KRT6B: variants seen among roughly 807,000 people sequenced by gnomAD.
KRT6B encodes keratin, type II cytoskeletal 6B.
KRT6B carries 29 observed loss-of-function variants against 44.7 expected under a neutral mutation model. The observed-to-expected ratio is 0.65, with a 90% CI of 0.48 to 0.88. The LOEUF (loss-of-function observed/expected upper bound fraction) is 0.88, where lower values mean the gene tolerates loss of function less well. KRT6B is among the 40% of genes least tolerant of loss of function. The pLI, the probability that KRT6B is intolerant of heterozygous loss-of-function variation, is 0.00. For synonymous variants in KRT6B, 213 were observed against 296.0 expected (o/e 0.72, Z 2.88); for missense variants, 600 against 724.0 (o/e 0.83, Z 1.97).
Position 52,451,903 on chromosome 12 carries a change from C to T in KRT6B, c.176G>A (p.Arg59His), listed in dbSNP as rs771831330. 9.3e-6 allele frequency: 15 copies of T among 1,612,522 alleles called. No homozygotes were observed. Among genetic ancestry groups the T allele is most frequent in the South Asian group, 2.2e-5 (2 of 91,010 alleles). Reference protein sequence around the residue: ...GACGGAGFGSRSLYGLGGSKR... With the variant: ...GACGGAGFGSHSLYGLGGSKR... ...GGAGCCCCCCAGGCCATACAGACTG[C>T]GGCTGCCAAAGCCAGCTCCTCCACA... The change falls in exon 1 of 9, where the codon CGC (arginine) becomes CAC (histidine). Residue 59 changes from arginine to histidine, a missense_variant. Physicochemically the swap from Arg to His is conservative, Grantham distance 29. Around this residue, in one of 4 missense-constraint regions of KRT6B, gnomAD observed 78 missense variants for 97.5 expected, o/e 0.80. Transcript: ENST00000252252.
Position 52,452,049 on chromosome 12 carries a change from G to C in KRT6B, c.30C>G (p.Ser10Arg), listed in dbSNP as rs561690979. The C allele has an allele frequency of 1.5e-5, 25 of 1,614,154 alleles. No homozygotes were observed. In the Admixed American group the frequency reaches 3.0e-4, roughly 19 times the overall value. ...TGAAACCCCGGCGGCTGCTGCTGTGGCTCCTGATGGTGGTGGATGTGCTGG... is the reference window on the plus strand; with the variant it reads ...TGAAACCCCGGCGGCTGCTGCTGTGCCTCCTGATGGTGGTGGATGTGCTGG... MASTSTTIRSHSSSRRGFSA... is the reference protein window; with the variant it reads MASTSTTIRRHSSSRRGFSA... The change falls in exon 1 of 9, where the codon AGC becomes AGG. Residue 10 changes from serine (S) to arginine (R), a missense_variant. Physicochemically the swap from Ser to Arg is moderately radical, Grantham distance 110. This residue lies in a region of KRT6B where 78 missense variants were observed against 97.5 expected (regional missense o/e 0.80). Transcript: ENST00000252252.
At position 52,447,873 on chromosome 12, in the gene KRT6B, C is replaced by G. The variant is rs370595590; in HGVS notation, c.1329G>C (p.Arg443=). Residue 443 remains arginine, a synonymous_variant, in exon 7 of 9, where the codon CGG becomes CGC. Coordinates refer to ENST00000252252, the MANE Select transcript of KRT6B (RefSeq NM_005555.4). ...TCAGCTCCTGGTACTCCTTCAGCAG[C>G]CGGGCCAGGTCCTGCTTGGCCTTCT... ...ALQKAKQDLA[R]LLKEYQELMN... is the part of the protein sequence containing the mutation. 4.3e-6 allele frequency: 7 copies of G among 1,614,066 alleles called. No individual in the cohort carries two copies. In the Admixed American group the frequency reaches 1.2e-4, roughly 27 times the overall value.
rs1052448705 is a variant in KRT6B at position 52,447,122 on chromosome 12, C to G, written c.*68G>C. ...TGGAGGCCAGGGGAGGACAAGCAACCTGAGGAGAGGGCTCTGCTGCCAGAG... is the reference window on the plus strand; with the variant it reads ...TGGAGGCCAGGGGAGGACAAGCAACGTGAGGAGAGGGCTCTGCTGCCAGAG... On this transcript the variant is annotated 3_prime_UTR_variant, in exon 9 of 9. Coordinates refer to ENST00000252252, the MANE Select transcript of KRT6B (RefSeq NM_005555.4). 1.0e-5 allele frequency: 16 copies of G among 1,598,664 alleles called. No individual in the cohort carries two copies. The African/African-American group carries it at 2.1e-4, about 21-fold the overall frequency.
In KRT6B at chr12:52,452,070, G is replaced by A; in HGVS notation, c.9C>T (p.Ser3=). Residue 3 remains serine (S), a synonymous_variant, in exon 1 of 9, where the codon AGC becomes AGT. Transcript: ENST00000252252. ...TGTGGCTCCTGATGGTGGTGGATGT[G>A]CTGGCCATGGTTCCAGGAGATGAGA... The part of the protein sequence containing the change: MA[S]TSTTIRSHSS... The A allele has an allele frequency of 6.2e-7, 1 of 1,614,142 alleles. No individual in the cohort carries two copies. Among genetic ancestry groups the A allele is most frequent in the Non-Finnish European group, 8.5e-7 (1 of 1,180,024 alleles).
In KRT6B at chr12:52,447,092, G is replaced by T; in HGVS notation, c.*98C>A. 3 of 1,495,158 alleles carry T rather than the reference G, an allele frequency of 2.0e-6. No individual in the cohort carries two copies. Among genetic ancestry groups the T allele is most frequent in the Non-Finnish European group, 2.8e-6 (3 of 1,089,602 alleles). The allele number at this position is 1,495,158 out of a possible 1,614,324, so 92.6% of individuals were successfully genotyped here. On this transcript the variant is annotated 3_prime_UTR_variant, in exon 9 of 9. Transcript: ENST00000252252. ...CCCAGCTCTACCCGGGAGGGCAGGGGAGACTGGAGGCCAGGGGAGGACAAG... is the reference window on the plus strand; with the variant it reads ...CCCAGCTCTACCCGGGAGGGCAGGGTAGACTGGAGGCCAGGGGAGGACAAG...
rs570405977 is a variant in KRT6B, at chr12:52,447,462, A to G, written c.1460-37T>C. The G allele has an allele frequency of 1.6e-4, 251 of 1,614,036 alleles. No individual in the cohort carries two copies. The African/African-American group carries it at 3.1e-3, about 20-fold the overall frequency. On this transcript the variant is annotated intron_variant, in intron 8 of 8. Coordinates refer to ENST00000252252, the MANE Select transcript of KRT6B (RefSeq NM_005555.4). Reference sequence around the variant, plus strand: ...AGGGGACAAGGACACAAGAAGCCACAATGAGTTCATCCTGCCGGCCTGAGC... The same window carrying G: ...AGGGGACAAGGACACAAGAAGCCACGATGAGTTCATCCTGCCGGCCTGAGC...
rs200778388 is a variant in KRT6B at position 52,447,958 on chromosome 12, C to G, written c.1244G>C (p.Arg415Pro). 5 of 1,614,160 alleles carry G rather than the reference C, an allele frequency of 3.1e-6. No homozygotes were observed. The South Asian group carries it at 4.4e-5, about 14-fold the overall frequency. Residue 415 changes from arginine (R) to proline (P), a missense_variant, in exon 7 of 9, where the codon CGT (arginine) becomes CCT (proline). Arg to Pro is a moderately radical substitution (Grantham distance 103). Coordinates refer to ENST00000252252, the MANE Select transcript of KRT6B (RefSeq NM_005555.4). ...AGCATCCTTGAGGGCCATCTCCCCA[C>G]GCTGCTCAGCATCAGCAATGGCGGC... is the stretch of plus-strand genomic sequence containing the variant. ...LQAAIADAEQRGEMALKDAKN... is the reference protein window; with the variant it reads ...LQAAIADAEQPGEMALKDAKN...
At chr12:52,451,073 T>A (rs1268354965) in intron 1 of KRT6B, among the ~76,000 whole-genome samples, 2 of 152,010 alleles carry the variant, frequency 1.3e-5, no homozygotes, top group Non-Finnish European at 2.9e-5. Flanking sequence ...TTCTCTGTTT[T>A]TAAAATTAAT....
intron 6 of KRT6B, 140 bp from the exon 7 acceptor site, chr12:52,448,138 T>C: frequency 8.6e-7 from 1 of 1,160,870 alleles, no homozygotes; most frequent in Non-Finnish European, 1.3e-6. Context: ...CTGTCTAGCC[T>C]TTTTACTGTC....
rs538724780 is a variant in KRT6B at position 52,450,463 on chromosome 12, C to A, written c.698G>T (p.Gly233Val). ...RQLDNIVGER[G>V]RLDSELRNMQ... ...GTTTCTCAGCTCCGAGTCCAGACGA[C>A]CCCGTTCCCCCACGATGTTGTCCAG... The change falls in exon 2 of 9, where the codon GGT becomes GTT. Residue 233 changes from glycine (G) to valine (V), a missense_variant. This residue lies in a region of KRT6B where 479 missense variants were observed against 454.2 expected (regional missense o/e 1.05). Transcript: ENST00000252252. 1 of 1,614,098 alleles carries A rather than the reference C, an allele frequency of 6.2e-7. No individual in the cohort carries two copies. The highest frequency in any genetic ancestry group is 1.7e-5 in the Admixed American group (1 of 60,030).
At chr12:52,450,229 C>T (rs1940375951) in intron 2 of KRT6B, among the ~76,000 whole-genome samples, 157 bp from the exon 3 acceptor site, 1 of 152,216 alleles carries the variant, frequency 6.6e-6, no homozygotes, top group Non-Finnish European at 1.5e-5. Flanking sequence ...ACTAAATTTG[C>T]CATTTCTTTA....
chr12:52,450,140 A>T, intron 2 of KRT6B, 68 bp from the exon 3 acceptor site: 1 of 1,613,512 alleles, frequency 6.2e-7, no homozygotes, highest in Non-Finnish European at 8.5e-7. Flanking sequence ...GCAGCTTGGG[A>T]TTCAACATTT....
intron 1 of KRT6B, among the ~76,000 whole-genome samples, chr12:52,450,896 A>G (rs926008356): frequency 7.9e-5 from 12 of 152,372 alleles, no homozygotes; most frequent in South Asian, 4.1e-4. Flanking sequence ...TTTTCCAAGC[A>G]CAATCACAAA....
rs1322525342 is a variant in KRT6B, at chr12:52,452,087, G to C, written c.-9C>G. 6 of 1,614,142 alleles carry C rather than the reference G, an allele frequency of 3.7e-6. No homozygotes were observed. The highest frequency in any genetic ancestry group is 3.4e-6 in the Non-Finnish European group (4 of 1,180,028). The stretch of plus-strand genomic sequence containing the variant: ...GTGGATGTGCTGGCCATGGTTCCAG[G>C]AGATGAGAGGGCTTAGGAGAGTGTG... On this transcript the variant is annotated 5_prime_UTR_variant, in exon 1 of 9. Coordinates refer to ENST00000252252, the MANE Select transcript of KRT6B (RefSeq NM_005555.4).
intron 2 of KRT6B, 24 bp from the exon 3 acceptor site, chr12:52,450,096 A>C (rs1940374119): frequency 6.2e-7 from 1 of 1,614,016 alleles, no homozygotes; most frequent in Non-Finnish European, 8.5e-7. Flanking sequence ...GGCATGGGAC[A>C]CATTTGAGCC....
chr12:52,450,666 A>C lies in KRT6B; in HGVS notation c.541-46T>G, dbSNP rs199767555. 7 of 1,613,908 alleles carry C rather than the reference A, an allele frequency of 4.3e-6. No individual in the cohort carries two copies. The African/African-American group carries it at 8.0e-5, about 18-fold the overall frequency. On this transcript the variant is annotated intron_variant, in intron 1 of 8. Coordinates refer to ENST00000252252, the MANE Select transcript of KRT6B (RefSeq NM_005555.4). ...TCATTTTCCAGGAAAAGGAAGGCAGAGAAAGTGTCTGGTATCCAGTTTCCT... is the reference window on the plus strand; with the variant it reads ...TCATTTTCCAGGAAAAGGAAGGCAGCGAAAGTGTCTGGTATCCAGTTTCCT...
intron 1 of KRT6B, among the ~76,000 whole-genome samples, 183 bp from the exon 2 acceptor site, chr12:52,450,803 G>C (rs1288696046): frequency 2.0e-5 from 3 of 152,256 alleles, no homozygotes; most frequent in Non-Finnish European, 4.4e-5. Context: ...AGTCTCACTA[G>C]AGAAATTGTC....
At chr12:52,448,035 G>C (rs759983648) in intron 6 of KRT6B, 37 bp from the exon 7 acceptor site, 1 of 1,613,474 alleles carries the variant, frequency 6.2e-7, no homozygotes, top group African/African-American at 1.3e-5. Context: ...CTTGTCATCT[G>C]GTCTTCCAGA....
At position 52,450,052 on chromosome 12, in the gene KRT6B, T is replaced by G; in HGVS notation, c.776A>C (p.Lys259Thr). The G allele has an allele frequency of 6.2e-7, 1 of 1,614,026 alleles. No homozygotes were observed. Among genetic ancestry groups the G allele is most frequent in the Non-Finnish European group, 8.5e-7 (1 of 1,179,872 alleles). The change falls in exon 3 of 9, where the codon AAG becomes ACG. Residue 259 changes from lysine to threonine, a missense_variant. Physicochemically the swap from Lys to Thr is moderately conservative, Grantham distance 78. This residue lies in a region of KRT6B where 479 missense variants were observed against 454.2 expected (regional missense o/e 1.05). Coordinates refer to ENST00000252252, the MANE Select transcript of KRT6B (RefSeq NM_005555.4). ...LKNKYEDEIN[K>T]RTAAENEFVT... ...AAATTCATTCTCTGCTGCTGTGCGC[T>G]TGTTGATTTCATCCTCATATCTACA... is the stretch of plus-strand genomic sequence containing the variant.
Sources: allele counts gnomAD v4.1 joint callset (sites outside exome capture counted in the v4.1 genomes callset), GRCh38; gene constraint gnomAD v4.1.1; regional missense constraint gnomAD v4.1.1; transcripts MANE v1.5; gene names NCBI Gene and HGNC (gene_info 2026-07-23, HGNC 2026-07-21).